DHX8: variants seen among roughly 807,000 people sequenced by gnomAD.
DHX8 encodes ATP-dependent RNA helicase DHX8.
In DHX8, 67 loss-of-function variants were observed where a neutral mutation model predicts 140.7. The observed-to-expected ratio is 0.48, with a 90% CI of 0.39 to 0.58. The LOEUF is 0.58. Among genes scored for constraint, DHX8 ranks in the 20% least tolerant of loss-of-function variants. The pLI, the probability that DHX8 is intolerant of heterozygous loss-of-function variation, is 0.00. For missense variants in DHX8, 887 were observed against 1,550.7 expected, an observed-to-expected ratio of 0.57 and a Z score of 7.19; for synonymous variants, 533 against 553.2, an observed-to-expected ratio of 0.96 and a Z score of 0.51.
intron 19 of DHX8, 113 bp from the exon 20 acceptor site, chr17:43,520,638 A>G: frequency 1.5e-6 from 2 of 1,302,334 alleles, no homozygotes; most frequent in Non-Finnish European, 2.2e-6. Flanking sequence ...CCAAGGCATC[A>G]TTATGCTTTG....
At chr17:43,540,786 C>T (rs1454633224) in intron 3 of DHX8, among the ~76,000 whole-genome samples, 1 of 152,166 alleles carries the variant, frequency 6.6e-6, no homozygotes, top group Non-Finnish European at 1.5e-5. Context: ...CAACATCCCC[C>T]AAGGTGGCAG....
rs1968690894 is a variant in DHX8, at chr17:43,493,906, A to G, written c.1212+20A>G. On this transcript the variant is annotated intron_variant, in intron 8 of 22. Transcript: ENST00000262415. ...AAACAGGTTGGGGCCTTTAGTTTTC[A>G]TGACCAGATAGTCATTCAGCATGTA... 6.2e-7 allele frequency: 1 copy of G among 1,613,384 alleles called. No homozygotes were observed. Among genetic ancestry groups the G allele is most frequent in the Non-Finnish European group, 8.5e-7 (1 of 1,179,382 alleles).
intron 1 of DHX8, among the ~76,000 whole-genome samples, chr17:43,488,264 C>T (rs1019567771): frequency 1.0e-4 from 15 of 149,186 alleles, no homozygotes; most frequent in African/African-American, 3.8e-4. Flanking sequence ...GGCGACAGAG[C>T]GAGACTCCGT....
At chr17:43,504,930 A>G (rs900050553) in intron 12 of DHX8, 105 bp downstream of exon 12, 1 of 1,059,312 alleles carries the variant, frequency 9.4e-7, no homozygotes, top group South Asian at 1.6e-5. Flanking sequence ...GCCTACTTGA[A>G]GTGGCTCATC....
At chr17:43,530,877 C>T (rs915452429), downstream of DHX8, among the ~76,000 whole-genome samples, 1 of 152,022 alleles carries the variant, frequency 6.6e-6, no homozygotes, top group Non-Finnish European at 1.5e-5. Context: ...AACATGACAC[C>T]TCCGGGAGGA....
downstream of DHX8, chr17:43,530,349 C>T: frequency 6.8e-7 from 1 of 1,471,684 alleles, no homozygotes; most frequent in Non-Finnish European, 9.0e-7. Flanking sequence ...GGAAAGTTCA[C>T]CCAGAGGGAG....
chr17:43,491,846 G>A (rs910429415), intron 4 of DHX8, among the ~76,000 whole-genome samples: 5 of 152,108 alleles, frequency 3.3e-5, no homozygotes, highest in Admixed American at 6.6e-5. Flanking sequence ...GTGGGGGTAG[G>A]GAGGAAGAGT....
chr17:43,492,444 T>C, intron 5 of DHX8, 152 bp downstream of exon 5: 1 of 662,114 alleles, frequency 1.5e-6, no homozygotes, highest in Admixed American at 2.6e-5. Flanking sequence ...TCCTGCTAAG[T>C]GTATGTAGCA....
Position 43,524,661 on chromosome 17 carries a change from G to T in DHX8, c.*814G>T, listed in dbSNP as rs548633569. On this transcript the variant is annotated 3_prime_UTR_variant, in exon 23 of 23. Coordinates refer to ENST00000262415, the MANE Select transcript of DHX8 (RefSeq NM_004941.3). ...CTTGCTCCCTCCACCTCCCACATTC[G>T]CAATGTGCAGCATGTCCCATTTCCT... is the stretch of plus-strand genomic sequence containing the variant. 1 of 985,376 alleles carries T rather than the reference G, an allele frequency of 1.0e-6. No individual in the cohort carries two copies. Among genetic ancestry groups the T allele is most frequent in the Non-Finnish European group, 1.2e-6 (1 of 829,932 alleles). 61.0% of individuals were successfully genotyped at this position (985,376 alleles called of 1,614,324 possible).
At chr17:43,502,780 T>C (rs776176015) in intron 11 of DHX8, among the ~76,000 whole-genome samples, 6 of 152,118 alleles carry the variant, frequency 3.9e-5, no homozygotes, top group African/African-American at 1.2e-4. Context: ...AACCAAAATA[T>C]TAGATTTACA....
intron 1 of DHX8, among the ~76,000 whole-genome samples, chr17:43,488,277 CAAAAAAAAGAA>C (rs201172928): frequency 0.012 from 1,444 of 122,538 alleles, 70 homozygotes; most frequent in Admixed American, 0.086. Context: ...GACTCCGTCT[CAAAAAAAAGAA>C]AAAAAAAAGA....
downstream of DHX8, chr17:43,528,592 T>C (rs749607350): frequency 6.2e-7 from 1 of 1,614,134 alleles, no homozygotes; most frequent in South Asian, 1.1e-5. Context: ...GGCGGGGCTC[T>C]CATCCAAGTG....
At chr17:43,525,735 GC>G (rs1490104744), downstream of DHX8, 1 of 984,480 alleles carries the variant, frequency 1.0e-6, no homozygotes, top group African/African-American at 1.7e-5. Flanking sequence ...CTCCTGAGTA[GC>G]TGGGACTACA....
intron 17 of DHX8, among the ~76,000 whole-genome samples, chr17:43,516,450 A>G (rs927156288): frequency 6.6e-6 from 1 of 151,310 alleles, no homozygotes; most frequent in African/African-American, 2.4e-5. Flanking sequence ...TTTATTTTTT[A>G]TTTTATTTTG....
intron 2 of DHX8, 96 bp from the exon 3 acceptor site, chr17:43,490,295 T>G (rs1831961727): frequency 1.1e-6 from 1 of 911,328 alleles, no homozygotes. Flanking sequence ...TTCAAGTGCG[T>G]AACCACCCTT....
intron 2 of DHX8, chr17:43,532,821 G>A (rs771132499): frequency 2.5e-6 from 4 of 1,614,042 alleles, no homozygotes; most frequent in Non-Finnish European, 3.4e-6. Context: ...AAGCTCTGCT[G>A]GGGATAGGGT....
intron 8 of DHX8, among the ~76,000 whole-genome samples, chr17:43,494,252 C>T (rs1246979105): frequency 3.3e-5 from 5 of 152,122 alleles, no homozygotes; most frequent in African/African-American, 9.7e-5. Context: ...ATTCAGTTAC[C>T]GTCCACTGGG....
intron 20 of DHX8, among the ~76,000 whole-genome samples, 184 bp from the exon 21 acceptor site, chr17:43,521,185 A>G (rs933968585): frequency 2.6e-5 from 4 of 151,048 alleles, no homozygotes; most frequent in African/African-American, 9.8e-5. Context: ...CTGGTCTCAA[A>G]CTCCTGGCCT....
At chr17:43,532,868 G>A (rs1222391032) in intron 2 of DHX8, 4 of 1,610,620 alleles carry the variant, frequency 2.5e-6, no homozygotes, top group African/African-American at 1.3e-5. Context: ...GTAGGGGGCT[G>A]GGAGGGGTTC....
Sources: gnomAD v4.1 joint callset for allele counts (sites outside exome capture counted in the v4.1 genomes callset) on GRCh38, gnomAD v4.1.1 for gene constraint, MANE v1.5 for transcripts, NCBI Gene and HGNC (gene_info 2026-07-23, HGNC 2026-07-21) for gene names.